Variants in GAREM1 observed in about 807,000 individuals in gnomAD.
GAREM1 encodes the protein GRB2 associated regulator of MAPK1 subtype 1, also known as GRB2-associated and regulator of MAPK protein 1.
GAREM1 carries 26 observed loss-of-function variants against 71.3 expected under a neutral mutation model. The observed-to-expected ratio is 0.36, with a 90% CI of 0.27 to 0.51. The LOEUF (loss-of-function observed/expected upper bound fraction) is 0.51, where lower values mean the gene tolerates loss of function less well. GAREM1 is among the 20% of genes least tolerant of loss of function. The pLI is 0.95. For missense variants in GAREM1, 1,026 were observed against 1,103.1 expected, an observed-to-expected ratio of 0.93 and a Z score of 0.99; for synonymous variants, 440 against 433.2, an observed-to-expected ratio of 1.02 and a Z score of -0.20.
intron 2 of GAREM1, among the ~76,000 whole-genome samples, chr18:32,353,139 C>A (rs2047768529): frequency 6.6e-6 from 1 of 152,136 alleles, no homozygotes; most frequent in Admixed American, 6.5e-5. Flanking sequence ...TATCACTGAC[C>A]TTAGTCCATT....
chr18:32,383,351 C>G (rs529010574), intron 2 of GAREM1, among the ~76,000 whole-genome samples: 23 of 152,296 alleles, frequency 1.5e-4, no homozygotes, highest in African/African-American at 5.3e-4. Flanking sequence ...CACAAGACTT[C>G]CCTGGATAGT....
intron 1 of GAREM1, among the ~76,000 whole-genome samples, chr18:32,432,739 G>A (rs1015496148): frequency 1.4e-4 from 21 of 152,078 alleles, no homozygotes; most frequent in Non-Finnish European, 2.5e-4. Context: ...CAAACTCCCT[G>A]AAGAAGAAAT....
intron 1 of GAREM1, among the ~76,000 whole-genome samples, chr18:32,416,916 C>G (rs1252484591): frequency 6.6e-6 from 1 of 152,002 alleles, no homozygotes; most frequent in Non-Finnish European, 1.5e-5. Flanking sequence ...AGAAAAGAAT[C>G]AATGAAGTGA....
intron 2 of GAREM1, among the ~76,000 whole-genome samples, chr18:32,317,621 C>A (rs1223990846): frequency 6.7e-6 from 1 of 150,360 alleles, no homozygotes; most frequent in Non-Finnish European, 1.5e-5. Context: ...AAATAACCAG[C>A]AAACATGAAG....
At chr18:32,415,708 T>G (rs2144689997) in intron 1 of GAREM1, among the ~76,000 whole-genome samples, 1 of 152,196 alleles carries the variant, frequency 6.6e-6, no homozygotes, top group Middle Eastern at 3.4e-3. Flanking sequence ...AAACTGGGTA[T>G]AGAAGGAACA....
rs1177596122 is a variant in GAREM1, at chr18:32,470,242, C to G, written c.121+66G>C. On this transcript the variant is annotated intron_variant, in intron 1 of 5. Transcript: ENST00000269209. This position sits in a 1 kb window ranked among gnomAD's most constrained non-coding sequence, Gnocchi z 4.4. Reference sequence around the variant, plus strand: ...CGCGGGTCCCACCCTCTCCAGCACACGCGCGCACACCCGCGTGGAGACGGC... The same window carrying G: ...CGCGGGTCCCACCCTCTCCAGCACAGGCGCGCACACCCGCGTGGAGACGGC... The G allele has an allele frequency of 8.7e-6, 12 of 1,376,054 alleles. No individual in the cohort carries two copies. The highest frequency in any genetic ancestry group is 1.1e-5 in the Non-Finnish European group (12 of 1,053,992). 85.2% of individuals were successfully genotyped at this position (1,376,054 alleles called of 1,614,324 possible). A position where few individuals can be genotyped will look rare whatever the true frequency, so the allele number is the denominator to read the frequency against.
At chr18:32,326,007 T>C (rs2047471787) in intron 2 of GAREM1, among the ~76,000 whole-genome samples, 1 of 152,222 alleles carries the variant, frequency 6.6e-6, no homozygotes. Context: ...GCTATTATTC[T>C]GATTTACTTA....
intron 2 of GAREM1, among the ~76,000 whole-genome samples, chr18:32,361,997 A>T (rs1238279710): frequency 6.6e-6 from 1 of 152,200 alleles, no homozygotes; most frequent in African/African-American, 2.4e-5. Context: ...ACAAAAATCA[A>T]AGTTTATAAA....
In GAREM1 at chr18:32,438,065, C is replaced by G. The variant is rs1285822304; in HGVS notation, c.121+32243G>C. ...TGCTTGAACAAATTACTGCTTTCACCAAAAGTATGAGGAACTAAACATGTA... is the reference window on the plus strand; with the variant it reads ...TGCTTGAACAAATTACTGCTTTCACGAAAAGTATGAGGAACTAAACATGTA... On this transcript the variant is annotated intron_variant, in intron 1 of 5. Coordinates refer to ENST00000269209, the MANE Select transcript of GAREM1 (RefSeq NM_001242409.2). Among the ~76,000 whole-genome samples, 6 of 152,106 alleles carry G rather than the reference C, an allele frequency of 3.9e-5. No individual in the cohort carries two copies. In the East Asian group the frequency reaches 1.2e-3, roughly 29 times the overall value.
intron 2 of GAREM1, among the ~76,000 whole-genome samples, chr18:32,330,607 T>A (rs563446650): frequency 6.6e-6 from 1 of 151,640 alleles, no homozygotes; most frequent in Non-Finnish European, 1.5e-5. Context: ...ATACAGTTTA[T>A]GTAAATTTAA....
intron 3 of GAREM1, among the ~76,000 whole-genome samples, chr18:32,297,194 G>T (rs1270363432): frequency 2.0e-5 from 3 of 152,190 alleles, no homozygotes. Context: ...CTGATACTGG[G>T]TATAGATGGA....
Position 32,399,923 on chromosome 18 carries a change from T to C in GAREM1, c.122-6888A>G, listed in dbSNP as rs185378289. Among the ~76,000 whole-genome samples the C allele has an allele frequency of 8.3e-3, 1,265 of 152,216 alleles. 13 individuals are homozygous for C. Among genetic ancestry groups the C allele is most frequent in the South Asian group, 0.014 (69 of 4,822 alleles). ...CATCACGCTACCTGACTTCAAACTATACTACAAGGCTACAGTAACCAAAAC... is the reference window on the plus strand; with the variant it reads ...CATCACGCTACCTGACTTCAAACTACACTACAAGGCTACAGTAACCAAAAC... On this transcript the variant is annotated intron_variant, in intron 1 of 5. Coordinates refer to ENST00000269209, the MANE Select transcript of GAREM1 (RefSeq NM_001242409.2).
chr18:32,463,786 A>G (rs1009457603), intron 1 of GAREM1, among the ~76,000 whole-genome samples: 8 of 151,560 alleles, frequency 5.3e-5, no homozygotes, highest in Non-Finnish European at 1.2e-4. Context: ...AGCCTGGATG[A>G]TCTTGATCTC....
intron 2 of GAREM1, among the ~76,000 whole-genome samples, chr18:32,342,523 T>C (rs2047657351): frequency 1.3e-5 from 2 of 152,154 alleles, no homozygotes; most frequent in South Asian, 4.1e-4. Flanking sequence ...AAGGCAGCGC[T>C]CTCTCCTGTG....
chr18:32,375,239 A>G (rs2048021087), intron 2 of GAREM1, among the ~76,000 whole-genome samples: 1 of 152,184 alleles, frequency 6.6e-6, no homozygotes, highest in Non-Finnish European at 1.5e-5. Context: ...TTTTGAGGTT[A>G]TAAGGCTGGT....
At chr18:32,388,082 A>G (rs2048165159) in intron 2 of GAREM1, among the ~76,000 whole-genome samples, 1 of 152,150 alleles carries the variant, frequency 6.6e-6, no homozygotes. Flanking sequence ...GAAAATAAGG[A>G]CATGATTTAA....
At chr18:32,458,194 T>C (rs1481363686) in intron 1 of GAREM1, among the ~76,000 whole-genome samples, 2 of 152,110 alleles carry the variant, frequency 1.3e-5, no homozygotes, top group Non-Finnish European at 2.9e-5. Flanking sequence ...CATTTACTTA[T>C]TAATATTTAA....
At chr18:32,455,344 T>C (rs920658846) in intron 1 of GAREM1, among the ~76,000 whole-genome samples, 1 of 152,122 alleles carries the variant, frequency 6.6e-6, no homozygotes, top group African/African-American at 2.4e-5. Flanking sequence ...TGGACAGATG[T>C]AGGTCATTAT....
chr18:32,317,314 A>C (rs568352849), intron 2 of GAREM1, among the ~76,000 whole-genome samples: 1 of 151,568 alleles, frequency 6.6e-6, no homozygotes, highest in African/African-American at 2.4e-5. Context: ...CTGAGGCAGA[A>C]GAATTGCTTG....
Sources: gnomAD v4.1 joint callset for allele counts (sites outside exome capture counted in the v4.1 genomes callset) on GRCh38, gnomAD v4.1.1 for gene constraint, Gnocchi (gnomAD v3.1) non-coding constraint, MANE v1.5 for transcripts, NCBI Gene and HGNC (gene_info 2026-07-23, HGNC 2026-07-21) for gene names.